Variants in UTRN observed in about 807,000 individuals in gnomAD.
The protein encoded by UTRN is utrophin.
Under a neutral mutation model 463.9 loss-of-function variants are expected in UTRN, and 283 were observed. The ratio of observed to expected loss-of-function variants is 0.61; its 90% CI spans 0.55 to 0.67. The LOEUF (loss-of-function observed/expected upper bound fraction) is 0.67. UTRN is among the 30% of genes least tolerant of loss of function. The pLI, the probability that UTRN is intolerant of heterozygous loss-of-function variation, is 0.00. For missense variants in UTRN, 3,922 were observed against 4,084.3 expected, an observed-to-expected ratio of 0.96 and a Z score of 1.08; for synonymous variants, 1,442 against 1,431.5, an observed-to-expected ratio of 1.01 and a Z score of -0.17.
At chr6:144,420,441 T>C (rs919821425) in intron 3 of UTRN, among the ~76,000 whole-genome samples, 1 of 152,206 alleles carries the variant, frequency 6.6e-6, no homozygotes, top group Non-Finnish European at 1.5e-5. Context: ...TTCCTGATTT[T>C]CTATGCGGTG....
At chr6:144,670,279 AC>A in intron 51 of UTRN, among the ~76,000 whole-genome samples, 1 of 152,188 alleles carries the variant, frequency 6.6e-6, no homozygotes, top group Non-Finnish European at 1.5e-5. Flanking sequence ...CCACATCCAC[AC>A]CAACATCTAT....
intron 42 of UTRN, among the ~76,000 whole-genome samples, chr6:144,532,669 A>T (rs1196368212): frequency 6.6e-6 from 1 of 152,250 alleles, no homozygotes; most frequent in African/African-American, 2.4e-5. Flanking sequence ...GTTTACTTGT[A>T]TGTGGTAGGA....
intron 52 of UTRN, among the ~76,000 whole-genome samples, chr6:144,694,387 G>C (rs34551999): frequency 0.087 from 13,166 of 151,992 alleles, 895 homozygotes; most frequent in East Asian, 0.23. Flanking sequence ...TTGGTATCAG[G>C]ATGATGCTGG....
intron 51 of UTRN, among the ~76,000 whole-genome samples, chr6:144,637,897 A>G (rs1389458671): frequency 1.3e-5 from 2 of 152,210 alleles, no homozygotes; most frequent in South Asian, 2.1e-4. Context: ...TCTTTTTAAA[A>G]AGTTTTATTA....
At chr6:144,567,624 G>C (rs1450835822) in intron 50 of UTRN, among the ~76,000 whole-genome samples, 1 of 152,112 alleles carries the variant, frequency 6.6e-6, no homozygotes, top group East Asian at 1.9e-4. Flanking sequence ...TTATTTAAAA[G>C]AACAAAATTA....
chr6:144,483,243 T>C (rs1792073718), intron 27 of UTRN, among the ~76,000 whole-genome samples: 1 of 152,228 alleles, frequency 6.6e-6, no homozygotes. Context: ...TGAGGCAAGT[T>C]AGTAAGAAAG....
chr6:144,844,143 C>T (rs1224427828), intron 73 of UTRN, among the ~76,000 whole-genome samples: 1 of 152,086 alleles, frequency 6.6e-6, no homozygotes, highest in African/African-American at 2.4e-5. Context: ...GCTGTATTGA[C>T]TTATTTATAA....
Position 144,531,019 on chromosome 6 carries a change from G to T in UTRN, c.5907-33G>T, listed in dbSNP as rs774903576. On this transcript the variant is annotated intron_variant, in intron 41 of 74. Transcript: ENST00000367545. Reference sequence around the variant, plus strand: ...GCTTTAGGCAGTCCTGGAAAATTTGGAAACCTATTTTATTTTGTGTATTGT... The same window carrying T: ...GCTTTAGGCAGTCCTGGAAAATTTGTAAACCTATTTTATTTTGTGTATTGT... The T allele has an allele frequency of 3.8e-6, 6 of 1,588,392 alleles. No individual in the cohort carries two copies. The Admixed American group carries it at 1.1e-4, about 28-fold the overall frequency.
chr6:144,361,794 T>TG (rs1233200149), intron 2 of UTRN, among the ~76,000 whole-genome samples: 1 of 146,528 alleles, frequency 6.8e-6, no homozygotes, highest in East Asian at 2.0e-4. Flanking sequence ...TTTGTAGAGA[T>TG]GGGGTCTCGC....
At chr6:144,403,491 T>TAA (rs1783107117) in intron 3 of UTRN, among the ~76,000 whole-genome samples, 1 of 152,056 alleles carries the variant, frequency 6.6e-6, no homozygotes, top group Non-Finnish European at 1.5e-5. Flanking sequence ...ATTGGGAAAA[T>TAA]TTTTGAGTTC....
intron 51 of UTRN, among the ~76,000 whole-genome samples, chr6:144,655,595 A>T (rs1779241473): frequency 6.6e-6 from 1 of 152,174 alleles, no homozygotes; most frequent in Admixed American, 6.5e-5. Context: ...GACCTTCCAT[A>T]TGCTTCACTT....
chr6:144,391,024 A>G lies in UTRN; in HGVS notation c.80-12099A>G, dbSNP rs568509778. Reference sequence around the variant, plus strand: ...TAACAATTAGTCATTTAGACTAGAAAATATAAAACTTAAGACAACAAACAT... The same window carrying G: ...TAACAATTAGTCATTTAGACTAGAAGATATAAAACTTAAGACAACAAACAT... On this transcript the variant is annotated intron_variant, in intron 2 of 74. Coordinates refer to ENST00000367545, the MANE Select transcript of UTRN (RefSeq NM_007124.3). Among the ~76,000 whole-genome samples the G allele has an allele frequency of 3.9e-3, 588 of 152,240 alleles. 17 individuals carry two copies. The highest frequency in any genetic ancestry group is 0.034 in the Admixed American group (521 of 15,284).
At chr6:144,575,124 T>C (rs1801309652) in intron 50 of UTRN, among the ~76,000 whole-genome samples, 1 of 152,224 alleles carries the variant, frequency 6.6e-6, no homozygotes, top group Admixed American at 6.5e-5. Context: ...TACATTTCTC[T>C]AATGATTAAT....
chr6:144,516,798 T>C lies in UTRN; in HGVS notation c.5404-13T>C, dbSNP rs750535331. On this transcript the variant is annotated splice_polypyrimidine_tract_variant and intron_variant, in intron 38 of 74. Coordinates refer to ENST00000367545, the MANE Select transcript of UTRN (RefSeq NM_007124.3). ...TCTTTTGAGTCATTTTTTTTTTCCTTTTAAAAATTTAGATGGATGAGGAGA... is the reference window on the plus strand; with the variant it reads ...TCTTTTGAGTCATTTTTTTTTTCCTCTTAAAAATTTAGATGGATGAGGAGA... 6.9e-7 allele frequency: 1 copy of C among 1,439,710 alleles called. No homozygotes were observed. Among genetic ancestry groups the C allele is most frequent in the East Asian group, 2.6e-5 (1 of 38,626 alleles). 89.2% of individuals were successfully genotyped at this position (1,439,710 alleles called of 1,614,324 possible).
chr6:144,672,111 G>A (rs894688987), intron 51 of UTRN, among the ~76,000 whole-genome samples: 3 of 151,976 alleles, frequency 2.0e-5, no homozygotes, highest in African/African-American at 7.2e-5. Context: ...ATATTGGTCT[G>A]TAGTTTTCTT....
intron 2 of UTRN, among the ~76,000 whole-genome samples, chr6:144,365,920 T>A (rs1220770965): frequency 6.6e-6 from 1 of 152,124 alleles, no homozygotes; most frequent in African/African-American, 2.4e-5. Flanking sequence ...GTATTTTTAG[T>A]AGAGACTGGG....
chr6:144,351,932 C>A (rs1313870293), intron 2 of UTRN, among the ~76,000 whole-genome samples: 1 of 152,190 alleles, frequency 6.6e-6, no homozygotes, highest in Non-Finnish European at 1.5e-5. Flanking sequence ...ATCACACCGA[C>A]ACTGCTACTT....
intron 2 of UTRN, among the ~76,000 whole-genome samples, chr6:144,304,871 G>C (rs1337136130): frequency 1.3e-5 from 2 of 151,642 alleles, no homozygotes; most frequent in African/African-American, 4.8e-5. Flanking sequence ...AAAATGTACA[G>C]GAAATGATAT....
At chr6:144,384,543 G>T (rs1024405225) in intron 2 of UTRN, among the ~76,000 whole-genome samples, 1 of 152,004 alleles carries the variant, frequency 6.6e-6, no homozygotes, top group Admixed American at 6.6e-5. Flanking sequence ...GTGCCAAAAA[G>T]GTTAGGGACC....
Sources: allele counts gnomAD v4.1 joint callset (sites outside exome capture counted in the v4.1 genomes callset), GRCh38; gene constraint gnomAD v4.1.1; transcripts MANE v1.5; gene names NCBI Gene and HGNC (gene_info 2026-07-23, HGNC 2026-07-21).